The following LAMA1 variants were observed in gnomAD, a reference collection of about 807,000 sequenced individuals.
LAMA1 encodes the protein laminin subunit alpha 1.
LAMA1 carries 219 observed loss-of-function variants against 348.7 expected under a neutral mutation model. That is an observed-to-expected ratio of 0.63 (90% confidence interval 0.56 to 0.70). LAMA1 has a LOEUF of 0.70. LAMA1 is among the 30% of genes least tolerant of loss of function. LAMA1 has a pLI of 0.00. For synonymous variants in LAMA1, 1,487 were observed against 1,491.0 expected, an observed-to-expected ratio of 1.00 and a Z score of 0.06; for missense variants, 3,744 against 3,888.0, an observed-to-expected ratio of 0.96 and a Z score of 0.99.
At position 6,961,747 on chromosome 18, in the gene LAMA1, C is replaced by T. The variant is rs1391043717; in HGVS notation, c.7465G>A (p.Val2489Ile). ...ATGTAGCCGCCTTTCAGGAAGCTAA[C>T]ACTCCGGATGGGCTGGACACAGAGG... ...KGCLLEPIRS[V>I]SFLKGGYIEL... is the part of the protein sequence containing the mutation. The change falls in exon 53 of 63, where the codon GTT (valine) becomes ATT (isoleucine). Residue 2489 changes from valine (V) to isoleucine (I), a missense_variant. By Grantham distance (29) the Val-to-Ile change is conservative. Transcript: ENST00000389658. 1.2e-6 allele frequency: 2 copies of T among 1,614,044 alleles called. No homozygotes were observed. Among genetic ancestry groups the T allele is most frequent in the Non-Finnish European group, 1.7e-6 (2 of 1,180,032 alleles).
Position 7,009,340 on chromosome 18 carries a change from A to C in LAMA1, c.3900T>G (p.Val1300=), listed in dbSNP as rs1030775015. The C allele has an allele frequency of 3.7e-6, 6 of 1,614,056 alleles. No individual in the cohort carries two copies. Among genetic ancestry groups the C allele is most frequent in the African/African-American group, 2.7e-5 (2 of 74,938 alleles). Residue 1300 remains valine (V), a synonymous_variant, in exon 27 of 63, where the codon GTT becomes GTG. Transcript: ENST00000389658. ...RENFWKYFNS[V]SEKPVTREDF... ...CCTCTCGCGTGACAGGTTTTTCAGA[A>C]ACAGAGTTAAAATATTTCCAAAAAT...
At chr18:6,980,884 G>T (rs2057708532) in intron 41 of LAMA1, among the ~76,000 whole-genome samples, 1 of 152,088 alleles carries the variant, frequency 6.6e-6, no homozygotes, top group Non-Finnish European at 1.5e-5. Flanking sequence ...CACAAGGTCA[G>T]GAGATTGAGA....
Position 6,999,563 on chromosome 18 carries a change from G to A in LAMA1, c.4545C>T (p.Gly1515=), listed in dbSNP as rs1345487790. 3 of 1,614,012 alleles carry A rather than the reference G, an allele frequency of 1.9e-6. No individual in the cohort carries two copies. Among genetic ancestry groups the A allele is most frequent in the African/African-American group, 1.3e-5 (1 of 74,936 alleles). Residue 1515 remains glycine (G), a synonymous_variant, in exon 32 of 63, where the codon GGC becomes GGT. Coordinates refer to ENST00000389658, the MANE Select transcript of LAMA1 (RefSeq NM_005559.4). The part of the protein sequence containing the change: ...SCQKCDCNPH[G]SVHGDCDRTS... ...TGCGGTCACAGTCACCGTGGACAGA[G>A]CCGTGCGGGTTGCAGTCACACTTCT...
At chr18:6,954,164 T>C (rs2057563270) in intron 57 of LAMA1, 1 of 152,230 alleles carries the variant, frequency 6.6e-6, no homozygotes, top group Non-Finnish European at 1.5e-5. Flanking sequence ...CCCATGTCGT[T>C]TGGAGGCTCC....
chr18:6,980,785 A>G, intron 41 of LAMA1, 148 bp from the exon 42 acceptor site: 1 of 626,684 alleles, frequency 1.6e-6, no homozygotes, highest in Non-Finnish European at 2.8e-6. Flanking sequence ...AAGACTGAGC[A>G]CCACTCATTA....
chr18:6,945,275 G>T (rs1430870438), intron 61 of LAMA1, among the ~76,000 whole-genome samples: 2 of 152,084 alleles, frequency 1.3e-5, no homozygotes, highest in Non-Finnish European at 2.9e-5. Flanking sequence ...GGAAAAAGTT[G>T]GCTGTAAGTC....
At chr18:7,017,468 A>AT in intron 19 of LAMA1, 84 bp from the exon 20 acceptor site, 1 of 915,102 alleles carries the variant, frequency 1.1e-6, no homozygotes. Context: ...AGGAAAAAAA[A>AT]AATGTAAACT....
intron 33 of LAMA1, 73 bp from the exon 34 acceptor site, chr18:6,995,519 G>C: frequency 6.0e-6 from 5 of 829,658 alleles, no homozygotes; most frequent in Non-Finnish European, 1.1e-5. Flanking sequence ...AGAAGCACTT[G>C]CATTTCTTTT....
chr18:6,979,438 C>T (rs1051799561), intron 42 of LAMA1, among the ~76,000 whole-genome samples: 34 of 152,172 alleles, frequency 2.2e-4, no homozygotes, highest in African/African-American at 8.0e-4. Flanking sequence ...GAGACCAAGG[C>T]AAGAGGGTCG....
intron 1 of LAMA1, among the ~76,000 whole-genome samples, chr18:7,109,628 C>A (rs920275966): frequency 6.6e-6 from 1 of 152,058 alleles, no homozygotes; most frequent in Admixed American, 6.6e-5. Flanking sequence ...GTCATGTAAC[C>A]AAATCACACA....
Position 6,985,657 on chromosome 18 carries a change from G to A in LAMA1, c.5380-14C>T, listed in dbSNP as rs1334467677. The A allele has an allele frequency of 6.4e-7, 1 of 1,572,878 alleles. No individual in the cohort carries two copies. The highest frequency in any genetic ancestry group is 1.1e-5 in the South Asian group (1 of 90,032). Reference sequence around the variant, plus strand: ...CAGCTTTTTATCCTGCAGCAGAAACGGCATTTTAAGGGTGCTTCATAAAAG... The same window carrying A: ...CAGCTTTTTATCCTGCAGCAGAAACAGCATTTTAAGGGTGCTTCATAAAAG... On this transcript the variant is annotated splice_polypyrimidine_tract_variant and intron_variant, in intron 37 of 62. Transcript: ENST00000389658.
chr18:7,042,292 A>T, intron 8 of LAMA1, 42 bp from the exon 9 acceptor site: 3 of 1,159,316 alleles, frequency 2.6e-6, no homozygotes, highest in Non-Finnish European at 3.9e-6. Flanking sequence ...ACTAGAAATA[A>T]CAGCAATGTT....
chr18:7,038,452 A>AT (rs2058005323), intron 11 of LAMA1: 5 of 366,538 alleles, frequency 1.4e-5, no homozygotes, highest in South Asian at 1.1e-4. Context: ...GAGCTGGAAA[A>AT]TCCCCATGGC....
chr18:7,045,548 G>A (rs1325735559), intron 6 of LAMA1, among the ~76,000 whole-genome samples: 1 of 152,026 alleles, frequency 6.6e-6, no homozygotes, highest in Admixed American at 6.6e-5. Context: ...GAGATAAACT[G>A]TTAAATCTTT....
intron 1 of LAMA1, among the ~76,000 whole-genome samples, chr18:7,095,126 CT>C: frequency 5.8e-5 from 1 of 17,312 alleles, no homozygotes; most frequent in African/African-American, 5.3e-4. Context: ...GGACCTTTCT[CT>C]CTCTCTCTCT....
At chr18:7,052,386 GCACCACT>G (rs762395243) in intron 3 of LAMA1, among the ~76,000 whole-genome samples, 11 of 151,280 alleles carry the variant, frequency 7.3e-5, no homozygotes, top group Non-Finnish European at 1.6e-4. Context: ...AGCTGAGATT[GCACCACT>G]GCACTCCAGC....
In LAMA1 at chr18:7,117,649, G is replaced by T. The variant is rs755043525; in HGVS notation, c.61+11C>A. The T allele has an allele frequency of 5.6e-6, 9 of 1,596,764 alleles. No individual in the cohort carries two copies. The highest frequency in any genetic ancestry group is 6.8e-6 in the Non-Finnish European group (8 of 1,178,228). On this transcript the variant is annotated intron_variant, in intron 1 of 62. Transcript: ENST00000389658. Reference sequence around the variant, plus strand: ...GGGGGACAGGGACCCTAGGACCCGGGCCGGGCTCACCTCTCTGCCGGCACT... The same window carrying T: ...GGGGGACAGGGACCCTAGGACCCGGTCCGGGCTCACCTCTCTGCCGGCACT...
At position 6,992,667 on chromosome 18, in the gene LAMA1, G is replaced by A. The variant is rs1355368277; in HGVS notation, c.5062C>T (p.Pro1688Ser). The change falls in exon 36 of 63, where the codon CCC becomes TCC. Residue 1688 changes from proline to serine, a missense_variant. By Grantham distance (74) the Pro-to-Ser change is moderately conservative. This residue lies in a region of LAMA1 where 1,983 missense variants were observed against 1,934.3 expected (regional missense o/e 1.03). Coordinates refer to ENST00000389658, the MANE Select transcript of LAMA1 (RefSeq NM_005559.4). ...NQTLDEDFLL[P>S]NSTLQNMQQN... The stretch of plus-strand genomic sequence containing the variant: ...TGCATGTTCTGAAGAGTAGAATTGG[G>A]TAGTAGGAAATCTTCATCCAAAGTC... The A allele has an allele frequency of 6.8e-6, 11 of 1,613,556 alleles. 1 individual carries two copies. In the South Asian group the frequency reaches 1.1e-4, roughly 16 times the overall value.
Position 7,040,128 on chromosome 18 carries a change from T to A in LAMA1, c.1370A>T (p.Asn457Ile), listed in dbSNP as rs1339866137. Residue 457 changes from asparagine to isoleucine, a missense_variant, in exon 10 of 63, where the codon AAC (asparagine) becomes ATC (isoleucine). Asn to Ile is a moderately radical substitution (Grantham distance 149). Transcript: ENST00000389658. ...CTCATCACTGGCACTGCCCACTGGG[T>A]TGCACCCACAGGAGACACAGGTCGG... is the stretch of plus-strand genomic sequence containing the variant. The part of the protein sequence containing the change: ...DYPTCVSCGC[N>I]PVGSASDEPC... 3.7e-6 allele frequency: 6 copies of A among 1,614,088 alleles called. No homozygotes were observed. The South Asian group carries it at 4.4e-5, about 12-fold the overall frequency.
Sources: gnomAD v4.1 joint callset for allele counts (sites outside exome capture counted in the v4.1 genomes callset) on GRCh38, gnomAD v4.1.1 for gene constraint, gnomAD v4.1.1 regional missense constraint, MANE v1.5 for transcripts, NCBI Gene and HGNC (gene_info 2026-07-23, HGNC 2026-07-21) for gene names.